LMX1A: variants seen among roughly 807,000 people sequenced by gnomAD.
LMX1A encodes LIM homeobox transcription factor 1-alpha.
A neutral mutation model predicts 49.1 loss-of-function variants in LMX1A; 15 were observed. The observed-to-expected ratio is 0.31, with a 90% CI of 0.20 to 0.47. LMX1A has a LOEUF of 0.47. Ranked by LOEUF, LMX1A falls within the 20% of genes least tolerant of loss-of-function variation. The pLI is 1.00. For missense variants in LMX1A, 372 were observed against 475.8 expected (o/e 0.78, Z 2.03); for synonymous variants, 167 against 185.7 (o/e 0.90, Z 0.82).
At chr1:165,266,443 G>T (rs758007143) in intron 3 of LMX1A, among the ~76,000 whole-genome samples, 2 of 152,076 alleles carry the variant, frequency 1.3e-5, no homozygotes, top group Non-Finnish European at 2.9e-5. Context: ...TAAGAGCTGA[G>T]ATTAGAGAAT....
chr1:165,286,306 G>A (rs1654303272), intron 3 of LMX1A, among the ~76,000 whole-genome samples: 1 of 152,144 alleles, frequency 6.6e-6, no homozygotes, highest in Admixed American at 6.5e-5. Flanking sequence ...GTAGACTCTG[G>A]ATCTGTGCAG....
chr1:165,253,216 A>G (rs1653120280), intron 3 of LMX1A, among the ~76,000 whole-genome samples: 1 of 152,212 alleles, frequency 6.6e-6, no homozygotes, highest in African/African-American at 2.4e-5. Flanking sequence ...TCATATCTAC[A>G]TTTAGGGATT....
At chr1:165,302,203 C>T (rs1212752087) in intron 3 of LMX1A, among the ~76,000 whole-genome samples, 4 of 95,680 alleles carry the variant, frequency 4.2e-5, no homozygotes, top group African/African-American at 7.8e-5. Flanking sequence ...ATTGGGAGGC[C>T]GGTGGGGGGC....
At chr1:165,314,736 G>A (rs934440701) in intron 3 of LMX1A, among the ~76,000 whole-genome samples, 2 of 152,106 alleles carry the variant, frequency 1.3e-5, no homozygotes, top group African/African-American at 4.8e-5. Flanking sequence ...CTAGGGTCCA[G>A]CATCTCTCTT....
At chr1:165,222,290 G>A (rs1465139437) in intron 4 of LMX1A, among the ~76,000 whole-genome samples, 1 of 152,214 alleles carries the variant, frequency 6.6e-6, no homozygotes, top group African/African-American at 2.4e-5. Context: ...TCAGAGCTCA[G>A]TCTAGATAAA....
Position 165,265,367 on chromosome 1 carries a change from AAAC to A in LMX1A, c.264-15730_264-15728del, listed in dbSNP as rs1407594977. Reference sequence around the variant, plus strand: ...AGGCTTCTCTTGCTGGTTCCAAGAGAAACACCTGCCTCTATCATTCAGTGACTG... The same window carrying A: ...AGGCTTCTCTTGCTGGTTCCAAGAGAACCTGCCTCTATCATTCAGTGACTG... On this transcript the variant is annotated intron_variant, in intron 3 of 8. Transcript: ENST00000342310. Among the ~76,000 whole-genome samples the A allele has an allele frequency of 7.2e-5, 11 of 152,292 alleles. No homozygotes were observed. In the East Asian group the frequency reaches 2.1e-3, roughly 29 times the overall value.
intron 3 of LMX1A, among the ~76,000 whole-genome samples, chr1:165,290,168 A>G (rs1255565411): frequency 6.6e-6 from 1 of 152,208 alleles, no homozygotes; most frequent in Non-Finnish European, 1.5e-5. Context: ...CTGACTATCA[A>G]CTACACTTAT....
chr1:165,338,330 T>C lies in LMX1A; in HGVS notation c.263+14746A>G, dbSNP rs16842980. ...GCTGAAATCACTTCATCATAACAGT[T>C]TGACCTCTGCAATACTGCACACCAT... is the stretch of plus-strand genomic sequence containing the variant. On this transcript the variant is annotated intron_variant, in intron 3 of 8. Coordinates refer to ENST00000342310, the MANE Select transcript of LMX1A (RefSeq NM_177398.4). Among the ~76,000 whole-genome samples, 55 of 152,326 alleles carry C rather than the reference T, an allele frequency of 3.6e-4. No individual in the cohort carries two copies. The East Asian group carries it at 9.7e-3, about 27-fold the overall frequency.
chr1:165,318,207 T>C (rs541553380), intron 3 of LMX1A, among the ~76,000 whole-genome samples: 2 of 152,286 alleles, frequency 1.3e-5, no homozygotes, highest in South Asian at 4.1e-4. Flanking sequence ...AATTTAATAA[T>C]AACACCATAA....
chr1:165,316,408 C>T (rs1655229238), intron 3 of LMX1A, among the ~76,000 whole-genome samples: 1 of 152,322 alleles, frequency 6.6e-6, no homozygotes, highest in South Asian at 2.1e-4. Context: ...GGAACCAGCA[C>T]CACGGTCACT....
intron 3 of LMX1A, among the ~76,000 whole-genome samples, chr1:165,272,128 G>A (rs1044187587): frequency 6.6e-6 from 1 of 152,098 alleles, no homozygotes; most frequent in Non-Finnish European, 1.5e-5. Context: ...CAGGGCCCCA[G>A]CTAATTCATC....
chr1:165,326,680 C>A (rs975730493), intron 3 of LMX1A, among the ~76,000 whole-genome samples: 1 of 152,190 alleles, frequency 6.6e-6, no homozygotes, highest in East Asian at 1.9e-4. Context: ...TGGCTGCATC[C>A]TTTTCTTCCC....
At chr1:165,346,041 G>A (rs1656235302) in intron 3 of LMX1A, among the ~76,000 whole-genome samples, 1 of 152,190 alleles carries the variant, frequency 6.6e-6, no homozygotes, top group African/African-American at 2.4e-5. Context: ...AGGGGACAGA[G>A]GCAGATGTGA....
At position 165,279,460 on chromosome 1, in the gene LMX1A, G is replaced by T. The variant is rs1386160826; in HGVS notation, c.264-29820C>A. The stretch of plus-strand genomic sequence containing the variant: ...TTTTCCCTACCACAAGGGAACTTGA[G>T]AGAAGATCCAAGAGAGAAACTGGCA... On this transcript the variant is annotated intron_variant, in intron 3 of 8. Coordinates refer to ENST00000342310, the MANE Select transcript of LMX1A (RefSeq NM_177398.4). 1.5e-5 allele frequency among the ~76,000 whole-genome samples: 2 copies of T among 135,068 alleles called. 1 individual carries two copies. The highest frequency in any genetic ancestry group is 4.1e-4 in the East Asian group (2 of 4,838). The allele number at this position is 135,068 out of a possible 152,430, so 88.6% of individuals were successfully genotyped here. A position where few individuals can be genotyped will look rare whatever the true frequency, so the allele number is the denominator to read the frequency against.
chr1:165,324,236 AC>A (rs1323112859), intron 3 of LMX1A, among the ~76,000 whole-genome samples: 1 of 152,184 alleles, frequency 6.6e-6, no homozygotes, highest in Non-Finnish European at 1.5e-5. Context: ...GTGAAAACTA[AC>A]GCCCACCTAG....
At chr1:165,219,257 C>A (rs992878716) in intron 4 of LMX1A, among the ~76,000 whole-genome samples, 1 of 152,106 alleles carries the variant, frequency 6.6e-6, no homozygotes, top group African/African-American at 2.4e-5. Context: ...AAAATCCCAA[C>A]GGCCCATAAA....
At chr1:165,339,843 T>C (rs913485893) in intron 3 of LMX1A, among the ~76,000 whole-genome samples, 1 of 152,080 alleles carries the variant, frequency 6.6e-6, no homozygotes, top group African/African-American at 2.4e-5. Flanking sequence ...TGCCCCACTG[T>C]CCCTCCTGGA....
chr1:165,236,615 T>C (rs1376815102), intron 4 of LMX1A, among the ~76,000 whole-genome samples: 1 of 152,154 alleles, frequency 6.6e-6, no homozygotes, highest in Non-Finnish European at 1.5e-5. Context: ...CTAAGCAAAA[T>C]ACTGCGTTCT....
chr1:165,208,042 T>C, intron 7 of LMX1A, 21 bp downstream of exon 7: 1 of 1,611,540 alleles, frequency 6.2e-7, no homozygotes. Flanking sequence ...CAGAACTGCC[T>C]GGGAGGAGGC....
Sources: gnomAD v4.1 joint callset for allele counts (sites outside exome capture counted in the v4.1 genomes callset) on GRCh38, gnomAD v4.1.1 for gene constraint, MANE v1.5 for transcripts, NCBI Gene and HGNC (gene_info 2026-07-23, HGNC 2026-07-21) for gene names.